The following AP1G1 variants were observed in gnomAD, a reference collection of about 807,000 sequenced individuals.
AP1G1 encodes the protein AP-1 complex subunit gamma-1.
Under a neutral mutation model 108.3 loss-of-function variants are expected in AP1G1, and 7 were observed. That is an observed-to-expected ratio of 0.06 (90% CI 0.04 to 0.12). The LOEUF is 0.12. Ranked by LOEUF, AP1G1 falls within the 10% of genes least tolerant of loss-of-function variation. The pLI is 1.00. For synonymous variants in AP1G1, 379 were observed against 353.5 expected (o/e 1.07, Z -0.81); for missense variants, 756 against 1,010.7 (o/e 0.75, Z 3.42).
chr16:71,784,733 AT>A (rs1297070025), intron 2 of AP1G1, among the ~76,000 whole-genome samples: 1 of 151,506 alleles, frequency 6.6e-6, no homozygotes, highest in Non-Finnish European at 1.5e-5. Flanking sequence ...TAATTTTTGT[AT>A]TTTTAGTAGA....
chr16:71,776,905 T>C (rs2031799740), intron 2 of AP1G1, among the ~76,000 whole-genome samples: 1 of 150,842 alleles, frequency 6.6e-6, no homozygotes, highest in Non-Finnish European at 1.5e-5. Context: ...AGATCAGGAG[T>C]TCGAGACCAG....
intron 9 of AP1G1, 100 bp from the exon 10 acceptor site, chr16:71,761,667 C>T (rs1192103738): frequency 1.1e-6 from 1 of 882,594 alleles, no homozygotes; most frequent in East Asian, 2.5e-5. Context: ...GCTTCACAGA[C>T]TGCTAGCAAA....
rs2030930085 is a variant in AP1G1, at chr16:71,758,684, T to C, written c.1088+124A>G. 22 of 635,102 alleles carry C rather than the reference T, an allele frequency of 3.5e-5. No homozygotes were observed. The South Asian group carries it at 4.2e-4, about 12-fold the overall frequency. The allele number at this position is 635,102 out of a possible 1,614,324, so 39.3% of individuals were successfully genotyped here. A position where few individuals can be genotyped will look rare whatever the true frequency, so the allele number is the denominator to read the frequency against. ...TCCATCTGTGAACACAATGACTAAA[T>C]ACATAAATGTCAACACTCTTGCTCT... is the stretch of plus-strand genomic sequence containing the variant. On this transcript the variant is annotated intron_variant, in intron 11 of 22. Transcript: ENST00000299980.
At chr16:71,801,922 CAAAAAAAAAAAA>C (rs901972267) in intron 1 of AP1G1, among the ~76,000 whole-genome samples, 1 of 63,748 alleles carries the variant, frequency 1.6e-5, no homozygotes, top group Non-Finnish European at 3.2e-5. Flanking sequence ...ACTCCGTAAC[CAAAAAAAAAAAA>C]AAAAAAGAAA....
chr16:71,798,043 G>A (rs2032647853), intron 1 of AP1G1, among the ~76,000 whole-genome samples: 1 of 152,066 alleles, frequency 6.6e-6, no homozygotes, highest in Non-Finnish European at 1.5e-5. Context: ...AGTAAGAAAG[G>A]TATAGGAACT....
At chr16:71,805,809 A>T (rs1391107988) in intron 1 of AP1G1, among the ~76,000 whole-genome samples, 1 of 152,154 alleles carries the variant, frequency 6.6e-6, no homozygotes, top group Non-Finnish European at 1.5e-5. Flanking sequence ...CCGAGGCAAG[A>T]GGATTGCTTG....
chr16:71,773,460 A>G (rs1178413793), intron 3 of AP1G1, 98 bp from the exon 4 acceptor site: 8 of 1,214,984 alleles, frequency 6.6e-6, no homozygotes, highest in Non-Finnish European at 8.9e-6. Flanking sequence ...GATTTCTCCA[A>G]TAACAAAAAC....
chr16:71,770,796 G>C (rs1158019122), intron 5 of AP1G1, among the ~76,000 whole-genome samples: 2 of 152,148 alleles, frequency 1.3e-5, no homozygotes, highest in South Asian at 2.1e-4. Flanking sequence ...CCTACCACAT[G>C]ATAATGGAAT....
chr16:71,803,087 C>T (rs934181034), intron 1 of AP1G1, among the ~76,000 whole-genome samples: 11 of 151,850 alleles, frequency 7.2e-5, no homozygotes, highest in Non-Finnish European at 1.0e-4. Context: ...CAGTGGTGCA[C>T]GCCTGCAGTC....
At chr16:71,782,488 A>ATTATTATTT (rs548368917) in intron 2 of AP1G1, among the ~76,000 whole-genome samples, 1 of 149,468 alleles carries the variant, frequency 6.7e-6, no homozygotes, top group African/African-American at 2.5e-5. Context: ...TATTATTATT[A>ATTATTATTT]TTTTTATTAT....
At chr16:71,785,575 CAAAAAAAAAAA>C (rs71389702) in intron 2 of AP1G1, among the ~76,000 whole-genome samples, 1 of 73,130 alleles carries the variant, frequency 1.4e-5, no homozygotes, top group African/African-American at 5.6e-5. Context: ...AACCCTGCCT[CAAAAAAAAAAA>C]AAAAAAAAAA....
At chr16:71,791,499 A>C (rs950194172) in intron 1 of AP1G1, among the ~76,000 whole-genome samples, 32 of 151,998 alleles carry the variant, frequency 2.1e-4, no homozygotes, top group African/African-American at 7.0e-4. Flanking sequence ...TTGTATGTAG[A>C]TAGGGAAACG....
intron 1 of AP1G1, chr16:71,807,680 A>G (rs1305680436): frequency 1.7e-6 from 1 of 589,394 alleles, no homozygotes; most frequent in Non-Finnish European, 2.6e-6. Flanking sequence ...ATTTTTTAGA[A>G]TCAGTCAGCA....
At chr16:71,794,835 C>CTTTTTTTTTTTTTTTTTTTTTTTTTTTT (rs55761928) in intron 1 of AP1G1, among the ~76,000 whole-genome samples, 1 of 39,658 alleles carries the variant, frequency 2.5e-5, no homozygotes, top group African/African-American at 1.0e-4. Flanking sequence ...ATGAGAAGTG[C>CTTTTTTTTTTTTTTTTTTTTTTTTTTTT]TTTTTTTTTT....
At chr16:71,773,045 A>T in intron 4 of AP1G1, 176 bp downstream of exon 4, 1 of 776,244 alleles carries the variant, frequency 1.3e-6, no homozygotes, top group Non-Finnish European at 2.2e-6. Flanking sequence ...TTTGTTTATA[A>T]ATCATTTCCT....
intron 2 of AP1G1, among the ~76,000 whole-genome samples, chr16:71,787,738 A>T (rs1205274646): frequency 6.6e-6 from 1 of 152,182 alleles, no homozygotes; most frequent in African/African-American, 2.4e-5. Flanking sequence ...ATGGATAACC[A>T]CCTGGATCAA....
chr16:71,788,552 G>A (rs2032289460), intron 2 of AP1G1, among the ~76,000 whole-genome samples: 1 of 151,888 alleles, frequency 6.6e-6, no homozygotes, highest in Non-Finnish European at 1.5e-5. Flanking sequence ...CAAAATAGAC[G>A]CCACCAATTG....
chr16:71,799,408 TAATA>T (rs1021698993), intron 1 of AP1G1, among the ~76,000 whole-genome samples: 20 of 152,116 alleles, frequency 1.3e-4, no homozygotes, highest in Admixed American at 3.3e-4. Flanking sequence ...CACAGGAAAA[TAATA>T]AATTATGGTA....
At chr16:71,783,817 T>C (rs2032107697) in intron 2 of AP1G1, among the ~76,000 whole-genome samples, 1 of 152,204 alleles carries the variant, frequency 6.6e-6, no homozygotes, top group Non-Finnish European at 1.5e-5. Flanking sequence ...CTATGGAAAT[T>C]CTTTTTTCTT....
Sources: allele counts gnomAD v4.1 joint callset (sites outside exome capture counted in the v4.1 genomes callset), GRCh38; gene constraint gnomAD v4.1.1; transcripts MANE v1.5; gene names NCBI Gene and HGNC (gene_info 2026-07-23, HGNC 2026-07-21).